Variants in POU2F1 observed in about 807,000 individuals in gnomAD.
POU2F1 encodes POU domain, class 2, transcription factor 1.
POU2F1 carries 16 observed loss-of-function variants against 84.9 expected under a neutral mutation model. The ratio of observed to expected loss-of-function variants is 0.19; its 90% confidence interval spans 0.13 to 0.29. POU2F1 has a LOEUF of 0.29. POU2F1 is among the 10% of genes least tolerant of loss of function. POU2F1 has a pLI of 1.00. For synonymous variants in POU2F1, 368 were observed against 368.3 expected, an observed-to-expected ratio of 1.00 and a Z score of 0.01; for missense variants, 738 against 942.6, an observed-to-expected ratio of 0.78 and a Z score of 2.84.
At chr1:167,406,801 TAAA>T (rs1649608378) in intron 13 of POU2F1, among the ~76,000 whole-genome samples, 1 of 151,990 alleles carries the variant, frequency 6.6e-6, no homozygotes, top group Non-Finnish European at 1.5e-5. Flanking sequence ...GGAATAAACT[TAAA>T]AGAAGTGTAA....
chr1:167,376,608 T>G (rs900651425), intron 7 of POU2F1: 2 of 152,942 alleles, frequency 1.3e-5, no homozygotes, highest in African/African-American at 4.8e-5. Flanking sequence ...AAAAACATCT[T>G]TGAGTCATTT....
chr1:167,370,077 C>T (rs1265461538), intron 3 of POU2F1, 84 bp from the exon 4 acceptor site: 1 of 1,168,062 alleles, frequency 8.6e-7, no homozygotes, highest in East Asian at 2.4e-5. Flanking sequence ...CTCGGTGACA[C>T]ATAGTAGACT....
intron 1 of POU2F1, among the ~76,000 whole-genome samples, chr1:167,233,869 A>G (rs1649253043): frequency 6.6e-6 from 1 of 152,232 alleles, no homozygotes; most frequent in South Asian, 2.1e-4. Flanking sequence ...AAATACATTG[A>G]TTCCTAGTAA....
chr1:167,343,632 A>ATTTTTTTT (rs869170039), intron 2 of POU2F1, among the ~76,000 whole-genome samples: 3 of 69,398 alleles, frequency 4.3e-5, no homozygotes, highest in Non-Finnish European at 2.8e-5. Context: ...CCAGGGGTCA[A>ATTTTTTTT]TTTTTTTTTT....
At chr1:167,334,010 C>T (rs1033848677) in intron 2 of POU2F1, among the ~76,000 whole-genome samples, 4 of 145,706 alleles carry the variant, frequency 2.7e-5, no homozygotes, top group Non-Finnish European at 1.5e-5. Context: ...CTTTTTTTTT[C>T]CCTAAGGGAA....
intron 12 of POU2F1, among the ~76,000 whole-genome samples, chr1:167,400,438 T>C (rs1649130264): frequency 6.6e-6 from 1 of 152,258 alleles, no homozygotes. Flanking sequence ...GAAAATCTTG[T>C]TACTTTTTAT....
At chr1:167,397,276 G>C (rs917541089) in intron 10 of POU2F1, among the ~76,000 whole-genome samples, 2 of 152,120 alleles carry the variant, frequency 1.3e-5, no homozygotes, top group African/African-American at 4.8e-5. Flanking sequence ...TTTTACCCTA[G>C]ATTATACCAA....
Position 167,334,688 on chromosome 1 carries a change from C to T in POU2F1, c.127+2153C>T, listed in dbSNP as rs148170616. On this transcript the variant is annotated intron_variant, in intron 2 of 15. Coordinates refer to ENST00000367866, the MANE Select transcript of POU2F1 (RefSeq NM_002697.4). Reference sequence around the variant, plus strand: ...GGCAGACTGGTTCCTATCAGACTTGCATATTTACTTACCATGTTTGATATA... The same window carrying T: ...GGCAGACTGGTTCCTATCAGACTTGTATATTTACTTACCATGTTTGATATA... Among the ~76,000 whole-genome samples the T allele has an allele frequency of 3.8e-4, 58 of 152,292 alleles. 1 individual carries two copies. The East Asian group carries it at 0.011, about 28-fold the overall frequency.
Position 167,349,616 on chromosome 1 carries a change from G to A in POU2F1, c.128-15851G>A, listed in dbSNP as rs72693636. Among the ~76,000 whole-genome samples the A allele has an allele frequency of 3.2e-3, 494 of 152,250 alleles. 2 individuals are homozygous for A. Among genetic ancestry groups the A allele is most frequent in the Non-Finnish European group, 5.8e-3 (392 of 68,008 alleles). The stretch of plus-strand genomic sequence containing the variant: ...AATTAATCAGTTAATGAATAGGCCT[G>A]AGAACTACTTAAGAGCAGTGACTGT... On this transcript the variant is annotated intron_variant, in intron 2 of 15. Coordinates refer to ENST00000367866, the MANE Select transcript of POU2F1 (RefSeq NM_002697.4).
In POU2F1 at chr1:167,413,136, A is replaced by T. The variant is rs770390826; in HGVS notation, c.1990+22A>T. The T allele has an allele frequency of 3.0e-4, 467 of 1,568,784 alleles. 1 individual carries two copies. The highest frequency in any genetic ancestry group is 3.8e-4 in the Non-Finnish European group (437 of 1,143,172). ...CAAGGTCAGTAGAAGCCTTTTTCTTAATTTGGTGGCATGCACGTGTGTGTG... is the reference window on the plus strand; with the variant it reads ...CAAGGTCAGTAGAAGCCTTTTTCTTTATTTGGTGGCATGCACGTGTGTGTG... On this transcript the variant is annotated intron_variant, in intron 15 of 15. Transcript: ENST00000367866.
intron 1 of POU2F1, among the ~76,000 whole-genome samples, chr1:167,258,165 T>C (rs1357348990): frequency 1.3e-5 from 2 of 152,206 alleles, no homozygotes; most frequent in South Asian, 2.1e-4. Flanking sequence ...CAATATGTTA[T>C]AGCTCCAGAT....
chr1:167,387,904 A>G (rs1648107703), intron 8 of POU2F1, among the ~76,000 whole-genome samples: 1 of 152,270 alleles, frequency 6.6e-6, no homozygotes, highest in Non-Finnish European at 1.5e-5. Flanking sequence ...AATATTCAAC[A>G]AAGAAGAAGC....
At chr1:167,370,069 C>T in intron 3 of POU2F1, 92 bp from the exon 4 acceptor site, 4 of 1,064,470 alleles carry the variant, frequency 3.8e-6, no homozygotes, top group Admixed American at 2.2e-5. Context: ...AGTTCTAGCT[C>T]GGTGACACAT....
Position 167,232,279 on chromosome 1 carries a change from A to G in POU2F1, c.61+11321A>G, listed in dbSNP as rs377276012. On this transcript the variant is annotated intron_variant, in intron 1 of 15. Transcript: ENST00000367866. ...CTTCTCAGTCTATGGACCAGTATAC[A>G]ATGGCAGTCCCATAAGATTATAACA... 3.3e-5 allele frequency among the ~76,000 whole-genome samples: 5 copies of G among 152,326 alleles called. No individual in the cohort carries two copies. In the East Asian group the frequency reaches 9.6e-4, roughly 29 times the overall value.
chr1:167,242,165 A>G (rs976817703), intron 1 of POU2F1, among the ~76,000 whole-genome samples: 2 of 152,190 alleles, frequency 1.3e-5, no homozygotes, highest in Non-Finnish European at 1.5e-5. Context: ...TTTATTAAGT[A>G]ATTGTGAACA....
chr1:167,248,266 T>C (rs1472204927), intron 1 of POU2F1, among the ~76,000 whole-genome samples: 1 of 152,250 alleles, frequency 6.6e-6, no homozygotes, highest in Admixed American at 6.5e-5. Flanking sequence ...ATGAACTTAA[T>C]GGATGAATTT....
intron 1 of POU2F1, among the ~76,000 whole-genome samples, chr1:167,287,271 G>A (rs1253287945): frequency 2.0e-5 from 3 of 152,216 alleles, no homozygotes; most frequent in Non-Finnish European, 4.4e-5. Flanking sequence ...TTGTTCACCT[G>A]TGTGGTCTGG....
At chr1:167,243,523 T>C (rs1557840868) in intron 1 of POU2F1, among the ~76,000 whole-genome samples, 1 of 152,260 alleles carries the variant, frequency 6.6e-6, no homozygotes, top group Non-Finnish European at 1.5e-5. Flanking sequence ...TCGCCCAGTC[T>C]GGAGTGCAGT....
chr1:167,384,606 A>C (rs2101881763), intron 8 of POU2F1, among the ~76,000 whole-genome samples: 1 of 152,110 alleles, frequency 6.6e-6, no homozygotes, highest in Admixed American at 6.5e-5. Context: ...TTATCACTTA[A>C]TACTAACACA....
Sources: allele counts gnomAD v4.1 joint callset (sites outside exome capture counted in the v4.1 genomes callset), GRCh38; gene constraint gnomAD v4.1.1; transcripts MANE v1.5; gene names NCBI Gene and HGNC (gene_info 2026-07-23, HGNC 2026-07-21).